RBM6: variants seen among roughly 807,000 people sequenced by gnomAD.
RBM6 encodes RNA binding motif protein 6.
A neutral mutation model predicts 140.4 loss-of-function variants in RBM6; 23 were observed. The ratio of observed to expected loss-of-function variants is 0.16; its 90% CI spans 0.12 to 0.23. The LOEUF (loss-of-function observed/expected upper bound fraction) is 0.23. Ranked by LOEUF, RBM6 falls within the 10% of genes least tolerant of loss-of-function variation. The pLI is 1.00. For synonymous variants in RBM6, 439 were observed against 475.6 expected, an observed-to-expected ratio of 0.92 and a Z score of 1.00; for missense variants, 1,139 against 1,386.7, an observed-to-expected ratio of 0.82 and a Z score of 2.84.
chr3:49,988,955 GA>G (rs5848910), intron 5 of RBM6, among the ~76,000 whole-genome samples: 54,205 of 151,152 alleles, frequency 0.36, 10,283 homozygotes, highest in Non-Finnish European at 0.44. Context: ...TCAAAAAAAA[GA>G]AAAAAAAATC....
At position 49,961,423 on chromosome 3, in the gene RBM6, T is replaced by C. The variant is rs182152084; in HGVS notation, c.-66-1153T>C. 3.9e-5 allele frequency among the ~76,000 whole-genome samples: 6 copies of C among 152,196 alleles called. No homozygotes were observed. The East Asian group carries it at 1.2e-3, about 30-fold the overall frequency. ...GTCTCAAACTCCTTGGCTCAAGCGG[T>C]CTGCCTGCCTTGGCCTCCCAAAGTG... is the stretch of plus-strand genomic sequence containing the variant. On this transcript the variant is annotated intron_variant, in intron 1 of 20. Coordinates refer to ENST00000266022, the MANE Select transcript of RBM6 (RefSeq NM_005777.3).
chr3:50,001,934 C>A (rs2086351512), intron 6 of RBM6, among the ~76,000 whole-genome samples: 1 of 152,138 alleles, frequency 6.6e-6, no homozygotes, highest in Non-Finnish European at 1.5e-5. Context: ...AGGGAAACTT[C>A]TTGAGGAGTG....
At chr3:50,003,466 C>CT (rs2108747336) in intron 6 of RBM6, among the ~76,000 whole-genome samples, 1 of 152,202 alleles carries the variant, frequency 6.6e-6, no homozygotes, top group East Asian at 1.9e-4. Flanking sequence ...CTCCGAAGTA[C>CT]TTTGAGTTTT....
At chr3:50,069,079 A>G (rs1483425256) in intron 18 of RBM6, among the ~76,000 whole-genome samples, 1 of 152,184 alleles carries the variant, frequency 6.6e-6, no homozygotes, top group Non-Finnish European at 1.5e-5. Flanking sequence ...AGCGCTGCTG[A>G]AATAGCATCT....
chr3:49,967,899 G>C lies in RBM6; in HGVS notation c.474G>C (p.Arg158Ser). ...CACCTCATATGAACTACAGAGACAG[G>C]GATGCTCACGCTGTTGACTTCAGAG... ...REAPHMNYRDRDAHAVDFRGR... is the reference protein window; with the variant it reads ...REAPHMNYRDSDAHAVDFRGR... The change falls in exon 3 of 21, where the codon AGG becomes AGC. Residue 158 changes from arginine to serine, a missense_variant. Coordinates refer to ENST00000266022, the MANE Select transcript of RBM6 (RefSeq NM_005777.3). This position sits in a 1 kb window ranked among gnomAD's most constrained non-coding sequence, Gnocchi z 4.0. 6.2e-7 allele frequency: 1 copy of C among 1,613,854 alleles called. No homozygotes were observed. The highest frequency in any genetic ancestry group is 1.6e-4 in the Middle Eastern group (1 of 6,062).
intron 6 of RBM6, among the ~76,000 whole-genome samples, chr3:50,001,953 T>G (rs1360817515): frequency 6.6e-6 from 1 of 152,166 alleles, no homozygotes; most frequent in Non-Finnish European, 1.5e-5. Context: ...TGACATACAT[T>G]TAAGTTGTGA....
intron 6 of RBM6, among the ~76,000 whole-genome samples, chr3:50,041,210 A>G (rs1345842224): frequency 6.6e-6 from 1 of 152,192 alleles, no homozygotes. Flanking sequence ...TCAACCTTAC[A>G]TTGGACACTG....
intron 5 of RBM6, among the ~76,000 whole-genome samples, chr3:49,996,286 A>G (rs1207073977): frequency 6.6e-6 from 1 of 152,192 alleles, no homozygotes; most frequent in African/African-American, 2.4e-5. Flanking sequence ...AAAAACTGGC[A>G]ATGTTGGACT....
intron 6 of RBM6, among the ~76,000 whole-genome samples, chr3:50,021,828 C>T (rs1036725742): frequency 5.6e-5 from 7 of 123,922 alleles, no homozygotes; most frequent in South Asian, 2.8e-4. Context: ...TCTTGGCTCA[C>T]TGCAACCTCT....
At chr3:50,036,384 C>G (rs1055450712) in intron 6 of RBM6, among the ~76,000 whole-genome samples, 2 of 152,088 alleles carry the variant, frequency 1.3e-5, no homozygotes, top group South Asian at 4.1e-4. Flanking sequence ...ATGGGCTATG[C>G]CTTTGTAGCA....
chr3:50,052,989 GTGT>G (rs2089536628), intron 7 of RBM6, among the ~76,000 whole-genome samples: 1 of 3,420 alleles, frequency 2.9e-4, no homozygotes, highest in Non-Finnish European at 5.9e-4. Flanking sequence ...GGGCAGGGGT[GTGT>G]GTGTGTGTGT....
chr3:50,065,758 C>T, intron 16 of RBM6: 1 of 415,334 alleles, frequency 2.4e-6, no homozygotes, highest in South Asian at 1.8e-5. Context: ...TAATTCAGCT[C>T]ATTGTGGCAT....
chr3:49,989,095 A>C (rs931453433), intron 5 of RBM6, among the ~76,000 whole-genome samples: 1 of 152,134 alleles, frequency 6.6e-6, no homozygotes, highest in African/African-American at 2.4e-5. Flanking sequence ...TAGGAAAATC[A>C]TCACATAGCA....
At chr3:49,976,871 C>G (rs947263008) in intron 5 of RBM6, among the ~76,000 whole-genome samples, 3 of 152,212 alleles carry the variant, frequency 2.0e-5, no homozygotes, top group Non-Finnish European at 4.4e-5. Flanking sequence ...CATGGGAAAT[C>G]ATTCAGGGCA....
At chr3:50,031,394 A>G (rs910209976) in intron 6 of RBM6, among the ~76,000 whole-genome samples, 1 of 152,194 alleles carries the variant, frequency 6.6e-6, no homozygotes, top group Non-Finnish European at 1.5e-5. Context: ...ATGGAATACT[A>G]TGCAGCAATA....
intron 4 of RBM6, among the ~76,000 whole-genome samples, chr3:49,972,665 A>G (rs1209437314): frequency 6.6e-6 from 1 of 152,182 alleles, no homozygotes; most frequent in African/African-American, 2.4e-5. Context: ...ATCACTCTAA[A>G]TATTAAGCAT....
chr3:50,032,726 C>G (rs1189359245), intron 6 of RBM6, among the ~76,000 whole-genome samples: 2 of 152,108 alleles, frequency 1.3e-5, no homozygotes, highest in Non-Finnish European at 2.9e-5. Flanking sequence ...GTGGCTCACG[C>G]CTATAATCCC....
intron 6 of RBM6, among the ~76,000 whole-genome samples, chr3:50,024,391 A>G (rs1425031571): frequency 6.6e-6 from 1 of 151,994 alleles, no homozygotes; most frequent in Admixed American, 6.6e-5. Flanking sequence ...ACACTGCTTC[A>G]TATGGAGAAG....
In RBM6 at chr3:50,048,388, A is replaced by G. The variant is rs2108880678; in HGVS notation, c.1632+69A>G. On this transcript the variant is annotated intron_variant, in intron 7 of 20. Transcript: ENST00000266022. Reference sequence around the variant, plus strand: ...TAACAGCTCCTCCATATCTCTAGGAAGGCTGCCTGCTAACATGCATTCCCA... The same window carrying G: ...TAACAGCTCCTCCATATCTCTAGGAGGGCTGCCTGCTAACATGCATTCCCA... The G allele has an allele frequency of 5.1e-6, 8 of 1,562,762 alleles. No individual in the cohort carries two copies. The Admixed American group carries it at 1.3e-4, about 26-fold the overall frequency.
Sources: allele counts gnomAD v4.1 joint callset (sites outside exome capture counted in the v4.1 genomes callset), GRCh38; gene constraint gnomAD v4.1.1; non-coding constraint Gnocchi (gnomAD v3.1); transcripts MANE v1.5; gene names NCBI Gene and HGNC (gene_info 2026-07-23, HGNC 2026-07-21).